The following FRMD5 variants were observed in gnomAD, a reference collection of about 807,000 sequenced individuals.
The protein encoded by FRMD5 is FERM domain containing 5, also known as FERM domain-containing protein 5.
In FRMD5, 20 loss-of-function variants were observed where a neutral mutation model predicts 69.0. The observed-to-expected ratio is 0.29, with a 90% CI of 0.20 to 0.42. The LOEUF is 0.42. Ranked by LOEUF, FRMD5 falls within the 10% of genes least tolerant of loss-of-function variation. The pLI is 1.00. For missense variants in FRMD5, 595 were observed against 708.6 expected (o/e 0.84, Z 1.82); for synonymous variants, 271 against 260.1 (o/e 1.04, Z -0.40).
intron 1 of FRMD5, among the ~76,000 whole-genome samples, chr15:44,079,583 A>G (rs1052731606): frequency 6.6e-6 from 1 of 152,130 alleles, no homozygotes; most frequent in African/African-American, 2.4e-5. Flanking sequence ...AACTATACCC[A>G]TATGATCTAG....
intron 1 of FRMD5, among the ~76,000 whole-genome samples, chr15:43,976,926 G>A (rs1385421888): frequency 6.6e-6 from 1 of 152,004 alleles, no homozygotes; most frequent in African/African-American, 2.4e-5. Context: ...CGCCTCCTGG[G>A]TTCAAGTGAT....
intron 1 of FRMD5, among the ~76,000 whole-genome samples, chr15:43,978,547 A>G (rs1366298466): frequency 6.6e-6 from 1 of 152,156 alleles, no homozygotes; most frequent in African/African-American, 2.4e-5. Context: ...TTTGGTTAAC[A>G]TGATTTTCTG....
intron 1 of FRMD5, among the ~76,000 whole-genome samples, chr15:44,096,626 C>G (rs1471776719): frequency 6.6e-6 from 1 of 152,078 alleles, no homozygotes; most frequent in Non-Finnish European, 1.5e-5. Flanking sequence ...TGGTCTTTTA[C>G]TCCTGACCTC....
chr15:44,122,869 C>A (rs527649969), intron 1 of FRMD5, among the ~76,000 whole-genome samples: 4 of 149,274 alleles, frequency 2.7e-5, no homozygotes, highest in Non-Finnish European at 1.5e-5. Context: ...CCAGCCTGGA[C>A]GACAGAGCAA....
At chr15:44,014,853 C>T (rs1253149116) in intron 1 of FRMD5, among the ~76,000 whole-genome samples, 2 of 152,320 alleles carry the variant, frequency 1.3e-5, no homozygotes, top group African/African-American at 4.8e-5. Context: ...ACTAAACGAG[C>T]ACATCAGGCA....
At chr15:44,051,915 T>C (rs1027762648) in intron 1 of FRMD5, among the ~76,000 whole-genome samples, 8 of 152,182 alleles carry the variant, frequency 5.3e-5, no homozygotes, top group African/African-American at 1.9e-4. Context: ...TTATCACTGT[T>C]AATGCTGATC....
At chr15:43,962,026 T>C (rs1430693063) in intron 1 of FRMD5, among the ~76,000 whole-genome samples, 1 of 152,188 alleles carries the variant, frequency 6.6e-6, no homozygotes, top group African/African-American at 2.4e-5. Context: ...ACCACTCCTA[T>C]TCAACATAGT....
intron 1 of FRMD5, among the ~76,000 whole-genome samples, chr15:44,116,247 AGTTTT>A (rs1003519032): frequency 2.7e-5 from 4 of 150,386 alleles, no homozygotes; most frequent in African/African-American, 7.3e-5. Flanking sequence ...AGAGAGGGAG[AGTTTT>A]GTTTTGTTTT....
intron 1 of FRMD5, among the ~76,000 whole-genome samples, chr15:44,102,357 T>A (rs2140532632): frequency 6.6e-6 from 1 of 152,304 alleles, no homozygotes; most frequent in African/African-American, 2.4e-5. Flanking sequence ...GAAGGAGTTG[T>A]CAGGAATATT....
chr15:44,047,081 C>T (rs906074167), intron 1 of FRMD5, among the ~76,000 whole-genome samples: 2 of 152,020 alleles, frequency 1.3e-5, no homozygotes, highest in Admixed American at 6.6e-5. Flanking sequence ...CTGAGGCGGG[C>T]GGATCACTTG....
At chr15:44,073,378 T>C (rs1380106410) in intron 1 of FRMD5, among the ~76,000 whole-genome samples, 5 of 152,178 alleles carry the variant, frequency 3.3e-5, no homozygotes, top group African/African-American at 1.2e-4. Context: ...TGTGGGTGTT[T>C]GCATATAATT....
At chr15:43,905,328 G>C (rs1465724314) in intron 6 of FRMD5, among the ~76,000 whole-genome samples, 1 of 151,874 alleles carries the variant, frequency 6.6e-6, no homozygotes, top group East Asian at 1.9e-4. Flanking sequence ...GTAGAGATGG[G>C]TTTTCACCAT....
intron 1 of FRMD5, among the ~76,000 whole-genome samples, chr15:44,019,737 CAAAAAAAAAAAA>C (rs1189890743): frequency 2.1e-4 from 5 of 23,518 alleles, no homozygotes; most frequent in African/African-American, 6.3e-4. Flanking sequence ...GAGTCTGTCT[CAAAAAAAAAAAA>C]AAAAAAAAAA....
intron 1 of FRMD5, among the ~76,000 whole-genome samples, chr15:43,926,568 C>T (rs963724940): frequency 6.6e-6 from 1 of 152,046 alleles, no homozygotes; most frequent in South Asian, 2.1e-4. Context: ...GCTAACTCAC[C>T]ACATACTATC....
intron 1 of FRMD5, among the ~76,000 whole-genome samples, chr15:44,007,367 T>C (rs1890499558): frequency 6.6e-6 from 1 of 152,178 alleles, no homozygotes; most frequent in African/African-American, 2.4e-5. Flanking sequence ...GATTCTGCAA[T>C]ATCTCCAAGG....
At chr15:43,889,117 TCAACAGTG>T (rs1458560739) in intron 8 of FRMD5, among the ~76,000 whole-genome samples, 7 of 152,218 alleles carry the variant, frequency 4.6e-5, no homozygotes, top group African/African-American at 1.7e-4. Context: ...TTCGGGCTTA[TCAACAGTG>T]GCTGTAAAAG....
chr15:43,962,494 G>A (rs1490265566), intron 1 of FRMD5, among the ~76,000 whole-genome samples: 5 of 152,148 alleles, frequency 3.3e-5, no homozygotes, highest in South Asian at 2.1e-4. Context: ...GGTAATTTAT[G>A]GATTCAATGC....
intron 1 of FRMD5, among the ~76,000 whole-genome samples, chr15:44,025,177 TA>T (rs1264465933): frequency 6.6e-6 from 1 of 152,142 alleles, no homozygotes; most frequent in East Asian, 1.9e-4. Flanking sequence ...TCACCATTAT[TA>T]GGGGGGATAC....
intron 1 of FRMD5, among the ~76,000 whole-genome samples, chr15:44,100,094 C>T (rs902346937): frequency 3.4e-5 from 5 of 148,060 alleles, no homozygotes; most frequent in Admixed American, 6.8e-5. Context: ...TCTTGTCTTG[C>T]CCAGGCTGGA....
Sources: allele counts gnomAD v4.1 joint callset (sites outside exome capture counted in the v4.1 genomes callset), GRCh38; gene constraint gnomAD v4.1.1; transcripts MANE v1.5; gene names NCBI Gene and HGNC (gene_info 2026-07-23, HGNC 2026-07-21).